Variants in CFAP90 observed in about 807,000 individuals in gnomAD.
CFAP90 encodes cilia and flagella associated protein 90.
the CFAP90 span, chr5:7,830,519 A>C: frequency 1.3e-5 from 2 of 152,354 alleles, no homozygotes; most frequent in South Asian, 2.1e-4. Flanking sequence ...AATATGGTAT[A>C]ATGCACCCAA....
chr5:7,831,828 C>T, the CFAP90 span: 49 of 1,599,258 alleles, frequency 3.1e-5, no homozygotes, highest in Non-Finnish European at 4.2e-5. Context: ...ATCGGACATG[C>T]CCTGTGGGCC....
At chr5:7,840,058 G>A in the CFAP90 span, among the ~76,000 whole-genome samples, 2 of 152,062 alleles carry the variant, frequency 1.3e-5, no homozygotes, top group South Asian at 2.1e-4. Context: ...ACAAGACAGA[G>A]CTTCTGAAAT....
chr5:7,837,310 AG>A, the CFAP90 span, among the ~76,000 whole-genome samples: 15 of 152,180 alleles, frequency 9.9e-5, no homozygotes, highest in African/African-American at 3.6e-4. Context: ...TTCACCTTGT[AG>A]GTCAGGCTTG....
At chr5:7,850,028 C>A in the CFAP90 span, among the ~76,000 whole-genome samples, 2 of 152,048 alleles carry the variant, frequency 1.3e-5, no homozygotes, top group Admixed American at 6.5e-5. Flanking sequence ...TTTGAGGGAT[C>A]CTGACACCTA....
At chr5:7,839,401 C>T in the CFAP90 span, among the ~76,000 whole-genome samples, 43 of 152,316 alleles carry the variant, frequency 2.8e-4, no homozygotes, top group African/African-American at 1.0e-3. Context: ...TGCTTTTAAT[C>T]AGGTCCAACC....
the CFAP90 span, among the ~76,000 whole-genome samples, chr5:7,840,762 A>G: frequency 1.3e-5 from 2 of 152,190 alleles, no homozygotes; most frequent in South Asian, 4.2e-4. Context: ...GATATAATCA[A>G]TTATGGTGAG....
At chr5:7,848,174 C>T in the CFAP90 span, among the ~76,000 whole-genome samples, 71 of 152,148 alleles carry the variant, frequency 4.7e-4, no homozygotes, top group African/African-American at 1.5e-3. Flanking sequence ...AAACATATTG[C>T]TCCCAGGAGG....
the CFAP90 span, among the ~76,000 whole-genome samples, chr5:7,850,035 C>T: frequency 2.0e-5 from 3 of 152,090 alleles, no homozygotes; most frequent in African/African-American, 7.2e-5. Flanking sequence ...GATCCTGACA[C>T]CTAGTGGCTC....
chr5:7,837,135 A>T, the CFAP90 span, among the ~76,000 whole-genome samples: 1 of 152,200 alleles, frequency 6.6e-6, no homozygotes, highest in African/African-American at 2.4e-5. Flanking sequence ...TGTAATTTAC[A>T]TACATGCACA....
the CFAP90 span, among the ~76,000 whole-genome samples, chr5:7,846,205 T>G: frequency 6.6e-6 from 1 of 152,178 alleles, no homozygotes; most frequent in Non-Finnish European, 1.5e-5. Context: ...CAGGTCCACA[T>G]GGCTGGTCAA....
the CFAP90 span, chr5:7,835,334 GTT>G: frequency 2.9e-6 from 3 of 1,040,178 alleles, no homozygotes; most frequent in South Asian, 4.2e-5. Context: ...CCTCTATAAA[GTT>G]TTGTTAATCT....
At chr5:7,834,830 C>T in the CFAP90 span, among the ~76,000 whole-genome samples, 2 of 152,016 alleles carry the variant, frequency 1.3e-5, no homozygotes, top group Non-Finnish European at 2.9e-5. Flanking sequence ...TAAGCTATGT[C>T]ATCTAGGTTT....
chr5:7,836,584 G>A, the CFAP90 span, among the ~76,000 whole-genome samples: 5 of 152,300 alleles, frequency 3.3e-5, no homozygotes, highest in East Asian at 9.7e-4. Flanking sequence ...ATTTTAGGGA[G>A]GTAGTAAGTT....
chr5:7,843,825 A>G, the CFAP90 span, among the ~76,000 whole-genome samples: 1 of 152,200 alleles, frequency 6.6e-6, no homozygotes, highest in Admixed American at 6.5e-5. Flanking sequence ...AAACTAAGAT[A>G]TGTTATTAAA....
chr5:7,848,954 G>C, the CFAP90 span, among the ~76,000 whole-genome samples: 2 of 152,248 alleles, frequency 1.3e-5, no homozygotes, highest in South Asian at 4.2e-4. Flanking sequence ...ACCGAGTCTT[G>C]GGTATGTCTT....
At chr5:7,833,305 G>A in the CFAP90 span, among the ~76,000 whole-genome samples, 1 of 151,862 alleles carries the variant, frequency 6.6e-6, no homozygotes, top group Non-Finnish European at 1.5e-5. Context: ...ACACACATAT[G>A]TACACACATG....
the CFAP90 span, chr5:7,835,487 A>G: frequency 1.9e-6 from 3 of 1,561,642 alleles, no homozygotes; most frequent in Non-Finnish European, 2.6e-6. Context: ...CATAGAGGGA[A>G]ATAATTCCTG....
chr5:7,842,830 G>T, the CFAP90 span, among the ~76,000 whole-genome samples: 1 of 152,184 alleles, frequency 6.6e-6, no homozygotes, highest in East Asian at 1.9e-4. Context: ...GATTTCTGTG[G>T]TGTAAATACT....
At chr5:7,842,946 T>C in the CFAP90 span, among the ~76,000 whole-genome samples, 8 of 152,266 alleles carry the variant, frequency 5.3e-5, no homozygotes, top group Admixed American at 6.5e-5. Context: ...CACCGGCGGT[T>C]AAGACTTTTT....
Sources: gnomAD v4.1 joint callset for allele counts (sites outside exome capture counted in the v4.1 genomes callset) on GRCh38, gnomAD v4.1.1 for gene constraint, MANE v1.5 for transcripts, NCBI Gene and HGNC (gene_info 2026-07-23, HGNC 2026-07-21) for gene names.